The following LRP8 variants were observed in gnomAD, a reference collection of about 807,000 sequenced individuals.
The protein encoded by LRP8 is LDL receptor related protein 8, also known as low-density lipoprotein receptor-related protein 8.
A neutral mutation model predicts 111.6 loss-of-function variants in LRP8; 46 were observed. The ratio of observed to expected loss-of-function variants is 0.41; its 90% CI spans 0.33 to 0.53. LRP8 has a LOEUF of 0.53. Ranked by LOEUF, LRP8 falls within the 20% of genes least tolerant of loss-of-function variation. The pLI is 0.20. For synonymous variants in LRP8, 464 were observed against 511.2 expected, an observed-to-expected ratio of 0.91 and a Z score of 1.24; for missense variants, 959 against 1,297.4, an observed-to-expected ratio of 0.74 and a Z score of 4.01.
intron 6 of LRP8, chr1:53,272,538 G>GC (rs1276393079): frequency 1.6e-6 from 2 of 1,267,150 alleles, no homozygotes; most frequent in Non-Finnish European, 2.1e-6. Flanking sequence ...CCCACCCCAG[G>GC]CCATGCACAG....
At position 53,275,833 on chromosome 1, in the gene LRP8, C is replaced by T; in HGVS notation, c.884-80G>A. Reference sequence around the variant, plus strand: ...TTCCCCACCACCCCAATCCCCATGCCATAGCCACCCCCAGCAAAAACAGAA... The same window carrying T: ...TTCCCCACCACCCCAATCCCCATGCTATAGCCACCCCCAGCAAAAACAGAA... On this transcript the variant is annotated intron_variant, in intron 5 of 18. Coordinates refer to ENST00000306052, the MANE Select transcript of LRP8 (RefSeq NM_004631.5). This position sits in a 1 kb window ranked among gnomAD's most constrained non-coding sequence, Gnocchi z 4.4. The T allele has an allele frequency of 6.6e-7, 1 of 1,523,526 alleles. No individual in the cohort carries two copies. Among genetic ancestry groups the T allele is most frequent in the Non-Finnish European group, 8.9e-7 (1 of 1,129,468 alleles). 94.4% of individuals were successfully genotyped at this position (1,523,526 alleles called of 1,614,324 possible).
chr1:53,314,378 G>T (rs1258076802), intron 2 of LRP8, among the ~76,000 whole-genome samples: 1 of 152,248 alleles, frequency 6.6e-6, no homozygotes, highest in Non-Finnish European at 1.5e-5. Context: ...CATGCTAGGG[G>T]AGCCAAAGCA....
intron 2 of LRP8, among the ~76,000 whole-genome samples, chr1:53,321,886 C>T (rs1048117438): frequency 6.6e-6 from 1 of 152,132 alleles, no homozygotes; most frequent in Non-Finnish European, 1.5e-5. Context: ...ATCCGCTGCC[C>T]CTCCTAGGGC....
At chr1:53,312,327 G>A (rs1653152530) in intron 2 of LRP8, among the ~76,000 whole-genome samples, 1 of 152,136 alleles carries the variant, frequency 6.6e-6, no homozygotes, top group East Asian at 1.9e-4. Context: ...TTTCTTTCTT[G>A]AGTTCTCCCA....
intron 3 of LRP8, among the ~76,000 whole-genome samples, chr1:53,284,640 A>T (rs1310681998): frequency 6.6e-6 from 1 of 152,212 alleles, no homozygotes; most frequent in East Asian, 1.9e-4. Flanking sequence ...TTATATAGTT[A>T]ATTGCATAAC....
intron 2 of LRP8, among the ~76,000 whole-genome samples, chr1:53,326,653 GCC>G: frequency 6.6e-6 from 1 of 152,146 alleles, no homozygotes; most frequent in Non-Finnish European, 1.5e-5. Flanking sequence ...CTCCGCCCCG[GCC>G]CCACCAGGAC....
intron 6 of LRP8, chr1:53,272,727 C>T: frequency 8.0e-7 from 1 of 1,245,278 alleles, no homozygotes; most frequent in Non-Finnish European, 1.1e-6. Flanking sequence ...GCCTCAGACC[C>T]TTGGAGGTGG....
intron 18 of LRP8, among the ~76,000 whole-genome samples, chr1:53,247,560 C>T (rs755515645): frequency 1.3e-5 from 2 of 152,148 alleles, no homozygotes; most frequent in Non-Finnish European, 2.9e-5. Context: ...AATTAAATTC[C>T]ATCCCTCTCT....
At chr1:53,324,334 A>G (rs1654873598) in intron 2 of LRP8, among the ~76,000 whole-genome samples, 1 of 152,216 alleles carries the variant, frequency 6.6e-6, no homozygotes, top group Non-Finnish European at 1.5e-5. Context: ...ACCTGGCCCC[A>G]ACACAGCCAC....
intron 16 of LRP8, among the ~76,000 whole-genome samples, chr1:53,252,591 A>G (rs1645933420): frequency 6.6e-6 from 1 of 152,212 alleles, no homozygotes; most frequent in Non-Finnish European, 1.5e-5. Flanking sequence ...CATTCGTAAT[A>G]GCCCATCAAA....
chr1:53,274,721 G>A (rs1300827629), intron 6 of LRP8: 2 of 456,288 alleles, frequency 4.4e-6, no homozygotes, highest in Non-Finnish European at 8.8e-6. Context: ...AAGCTCATCC[G>A]ACCAGTCCCG....
At position 53,326,967 on chromosome 1, in the gene LRP8, G is replaced by A; in HGVS notation, c.150C>T (p.Asp50=). The A allele has an allele frequency of 6.2e-7, 1 of 1,613,714 alleles. No individual in the cohort carries two copies. The highest frequency in any genetic ancestry group is 8.5e-7 in the Non-Finnish European group (1 of 1,179,990). The stretch of plus-strand genomic sequence containing the variant: ...AGCGCTCGTTCCGGCACTGGAATTG[G>A]TCCTTTTCGCAATCCTTGGCCGGCC... The part of the protein sequence containing the change: ...GQGPAKDCEK[D]QFQCRNERCI... Residue 50 remains aspartate (D), a synonymous_variant, in exon 2 of 19, where the codon GAC becomes GAT. Transcript: ENST00000306052.
At chr1:53,289,169 A>T (rs1031720689) in intron 3 of LRP8, among the ~76,000 whole-genome samples, 3 of 152,244 alleles carry the variant, frequency 2.0e-5, no homozygotes, top group African/African-American at 7.2e-5. Context: ...TGGTTATCAA[A>T]GGCATTAATG....
In LRP8 at chr1:53,278,361, C is replaced by T. The variant is rs61769630; in HGVS notation, c.497-1283G>A. On this transcript the variant is annotated intron_variant, in intron 4 of 18. Coordinates refer to ENST00000306052, the MANE Select transcript of LRP8 (RefSeq NM_004631.5). ...GGTAGGCCCCGGTGGGGCACTGATGCAGTGGCTGTGGCCAAAGGTGAGGTG... is the reference window on the plus strand; with the variant it reads ...GGTAGGCCCCGGTGGGGCACTGATGTAGTGGCTGTGGCCAAAGGTGAGGTG... Among the ~76,000 whole-genome samples, 1,444 of 152,346 alleles carry T rather than the reference C, an allele frequency of 9.5e-3. 10 individuals carry two copies. Among genetic ancestry groups the T allele is most frequent in the South Asian group, 0.036 (173 of 4,828 alleles).
intron 3 of LRP8, among the ~76,000 whole-genome samples, chr1:53,285,747 C>A (rs1330892103): frequency 6.6e-6 from 1 of 152,162 alleles, no homozygotes; most frequent in East Asian, 1.9e-4. Context: ...GCGATGCAGA[C>A]CCCATCCCAG....
In LRP8 at chr1:53,266,392, ACACCACTCCTCCCCTCCTCACCTGT is replaced by A; in HGVS notation, c.1427+56_1427+80del. The stretch of plus-strand genomic sequence containing the variant: ...CTGTCCTGAGGAGCTCTAGAGGCAG[ACACCACTCCTCCCCTCCTCACCTGT>A]CACCACCCCTCACCCCCACTCTTCA... On this transcript the variant is annotated intron_variant, in intron 9 of 18. Transcript: ENST00000306052. This position sits in a 1 kb window ranked among gnomAD's most constrained non-coding sequence, Gnocchi z 5.0. 1 of 1,453,860 alleles carries A rather than the reference ACACCACTCCTCCCCTCCTCACCTGT, an allele frequency of 6.9e-7. No individual in the cohort carries two copies. Among genetic ancestry groups the A allele is most frequent in the Non-Finnish European group, 9.5e-7 (1 of 1,050,150 alleles). The allele number at this position is 1,453,860 out of a possible 1,614,324, so 90.1% of individuals were successfully genotyped here.
chr1:53,280,108 C>T (rs1647055499), intron 4 of LRP8, among the ~76,000 whole-genome samples: 1 of 152,226 alleles, frequency 6.6e-6, no homozygotes, highest in Non-Finnish European at 1.5e-5. Flanking sequence ...TCGTCCTTGA[C>T]ACCTCAGGAA....
chr1:53,323,807 G>A (rs1654813713), intron 2 of LRP8, among the ~76,000 whole-genome samples: 1 of 152,220 alleles, frequency 6.6e-6, no homozygotes, highest in African/African-American at 2.4e-5. Context: ...CCAAGCCTAT[G>A]TCCTCTATAA....
Position 53,277,977 on chromosome 1 carries a change from T to C in LRP8, c.497-899A>G, listed in dbSNP as rs546506117. On this transcript the variant is annotated intron_variant, in intron 4 of 18. Coordinates refer to ENST00000306052, the MANE Select transcript of LRP8 (RefSeq NM_004631.5). The stretch of plus-strand genomic sequence containing the variant: ...TGAGGTATAATTATGGGATGTGCAG[T>C]AATTAAGGACACACGTCATGGCTCT... Among the ~76,000 whole-genome samples, 344 of 152,278 alleles carry C rather than the reference T, an allele frequency of 2.3e-3. 1 individual carries two copies. Among genetic ancestry groups the C allele is most frequent in the Non-Finnish European group, 3.8e-3 (258 of 68,024 alleles).
Sources: allele counts gnomAD v4.1 joint callset (sites outside exome capture counted in the v4.1 genomes callset), GRCh38; gene constraint gnomAD v4.1.1; non-coding constraint Gnocchi (gnomAD v3.1); transcripts MANE v1.5; gene names NCBI Gene and HGNC (gene_info 2026-07-23, HGNC 2026-07-21).